Variants in CSF2RA observed in about 807,000 individuals in gnomAD.
CSF2RA encodes the protein granulocyte-macrophage colony-stimulating factor receptor subunit alpha.
In CSF2RA, 42 loss-of-function variants were observed where a neutral mutation model predicts 51.6. That is an observed-to-expected ratio of 0.81 (90% CI 0.64 to 1.05). The LOEUF (loss-of-function observed/expected upper bound fraction) is 1.05, where lower values mean the gene tolerates loss of function less well. Ranked by LOEUF, CSF2RA falls within the 50% of genes least tolerant of loss-of-function variation. The probability of loss-of-function intolerance (pLI) is 0.00; values close to 1 mark genes in which losing one functional copy is unlikely to be tolerated. For missense variants in CSF2RA, 530 were observed against 501.1 expected, an observed-to-expected ratio of 1.06 and a Z score of -0.55; for synonymous variants, 222 against 193.0, an observed-to-expected ratio of 1.15 and a Z score of -1.24.
chrX:1,281,541 C>T (rs1191451915), intron 2 of CSF2RA, among the ~76,000 whole-genome samples: 3 of 151,180 alleles, frequency 2.0e-5, no homozygotes, highest in Admixed American at 6.7e-5. Context: ...CCTTCTCCTC[C>T]TCCTGCACCT....
chrX:1,322,442 T>G, the CSF2RA span, among the ~76,000 whole-genome samples: 2 of 83,462 alleles, frequency 2.4e-5, no homozygotes, highest in African/African-American at 4.3e-5. Flanking sequence ...TGTGTTTGTT[T>G]TTTTTTTTTT....
At position 1,268,836 on chromosome X, in the gene CSF2RA, G is replaced by A. The variant is rs1333321934; in HGVS notation, c.-134G>A. On this transcript the variant is annotated 5_prime_UTR_variant, in exon 1 of 13. Transcript: ENST00000381529. Reference sequence around the variant, plus strand: ...GCTACTCAGAAGCGGGAGTCTCCGAGAGAAGAAAAGCAGGTGGAAGGAGAG... The same window carrying A: ...GCTACTCAGAAGCGGGAGTCTCCGAAAGAAGAAAAGCAGGTGGAAGGAGAG... 8.8e-6 allele frequency: 4 copies of A among 454,146 alleles called. No individual in the cohort carries two copies. Among genetic ancestry groups the A allele is most frequent in the Non-Finnish European group, 1.8e-5 (4 of 226,776 alleles). 28.1% of individuals were successfully genotyped at this position (454,146 alleles called of 1,614,324 possible).
At chrX:1,308,877 C>T (rs1228689639) in intron 12 of CSF2RA, among the ~76,000 whole-genome samples, 8 of 152,306 alleles carry the variant, frequency 5.3e-5, no homozygotes, top group African/African-American at 1.7e-4. Flanking sequence ...AAAGACCACC[C>T]TGTTCATCGT....
At chrX:1,301,085 G>A (rs748491027) in intron 10 of CSF2RA, among the ~76,000 whole-genome samples, 23 of 151,884 alleles carry the variant, frequency 1.5e-4, no homozygotes, top group African/African-American at 5.1e-4. Flanking sequence ...CCCAGGAGGC[G>A]GAGGTTGCAC....
At chrX:1,291,579 C>T (rs1430800972) in intron 7 of CSF2RA, among the ~76,000 whole-genome samples, 37 of 152,168 alleles carry the variant, frequency 2.4e-4, no homozygotes, top group African/African-American at 8.7e-4. Flanking sequence ...CTCCTTCATC[C>T]CGTTGGACGT....
the CSF2RA span, among the ~76,000 whole-genome samples, chrX:1,319,153 G>C: frequency 6.8e-6 from 1 of 146,750 alleles, no homozygotes; most frequent in Non-Finnish European, 1.5e-5. Context: ...CCGCCACCAC[G>C]CCTGGCTAAT....
the CSF2RA span, among the ~76,000 whole-genome samples, chrX:1,324,487 G>C: frequency 1.4e-5 from 2 of 140,818 alleles, no homozygotes; most frequent in African/African-American, 2.6e-5. Flanking sequence ...CAAGCAGGGA[G>C]GGAGGGAGGG....
intron 2 of CSF2RA, among the ~76,000 whole-genome samples, chrX:1,278,749 A>C (rs1489905161): frequency 5.0e-5 from 7 of 140,842 alleles, no homozygotes; most frequent in Middle Eastern, 3.9e-3. Context: ...AGACTAGGTA[A>C]TCCAGAGGCT....
chrX:1,318,014 A>C, the CSF2RA span, among the ~76,000 whole-genome samples: 3 of 146,254 alleles, frequency 2.1e-5, no homozygotes, highest in South Asian at 2.2e-4. Context: ...TGTGAGACAG[A>C]GTCTCACTGT....
intron 10 of CSF2RA, among the ~76,000 whole-genome samples, chrX:1,301,697 C>T (rs1397653747): frequency 1.1e-4 from 17 of 148,430 alleles, no homozygotes; most frequent in African/African-American, 3.0e-4. Context: ...CCTGGGTTCA[C>T]GCCATTCTCC....
At chrX:1,292,961 C>G (rs1358870503) in intron 7 of CSF2RA, among the ~76,000 whole-genome samples, 1 of 152,148 alleles carries the variant, frequency 6.6e-6, no homozygotes, top group African/African-American at 2.4e-5. Context: ...GCAGAGGTCC[C>G]TGCGGCTTTC....
chrX:1,323,621 C>G, the CSF2RA span, among the ~76,000 whole-genome samples: 3 of 151,998 alleles, frequency 2.0e-5, no homozygotes, highest in Admixed American at 1.3e-4. Context: ...TGGTGGCTCA[C>G]ACCTACAATC....
chrX:1,322,460 G>C, the CSF2RA span, among the ~76,000 whole-genome samples: 1 of 51,112 alleles, frequency 2.0e-5, no homozygotes, highest in African/African-American at 7.3e-5. Context: ...TTTTTTTTTT[G>C]AAAGGTAGCT....
At chrX:1,293,497 G>A (rs1360843303) in intron 7 of CSF2RA, among the ~76,000 whole-genome samples, 1 of 144,058 alleles carries the variant, frequency 6.9e-6, no homozygotes, top group East Asian at 2.0e-4. Context: ...GGGATTACAG[G>A]CGTGAGCCAC....
chrX:1,282,483 A>G (rs1392312979), intron 2 of CSF2RA, 195 bp from the exon 3 acceptor site: 5 of 630,404 alleles, frequency 7.9e-6, no homozygotes, highest in Non-Finnish European at 1.4e-5. Flanking sequence ...AAAGATGTCC[A>G]CGTCCTAATC....
At chrX:1,272,829 T>G (rs1251279538) in intron 1 of CSF2RA, among the ~76,000 whole-genome samples, 2 of 148,866 alleles carry the variant, frequency 1.3e-5, no homozygotes, top group African/African-American at 4.9e-5. Flanking sequence ...TTTTTTCTTT[T>G]TTTTTTTTAG....
rs769502087 is a variant in CSF2RA, at chrX:1,305,356, G to A, written c.1044-90G>A. 67 of 1,395,430 alleles carry A rather than the reference G, an allele frequency of 4.8e-5. No individual in the cohort carries two copies. The Middle Eastern group carries it at 8.3e-4, about 17-fold the overall frequency. 86.4% of individuals were successfully genotyped at this position (1,395,430 alleles called of 1,614,324 possible). ...TTGCATAGTTGAGCGCAGACACCCC[G>A]CACGCAGCATCCCTCGGCACAGGGC... is the stretch of plus-strand genomic sequence containing the variant. On this transcript the variant is annotated intron_variant, in intron 11 of 12. Coordinates refer to ENST00000381529, the MANE Select transcript of CSF2RA (RefSeq NM_172245.4).
At chrX:1,301,595 CTTTTTTT>C (rs777108928) in intron 10 of CSF2RA, among the ~76,000 whole-genome samples, 1 of 105,800 alleles carries the variant, frequency 9.5e-6, no homozygotes, top group African/African-American at 3.5e-5. Flanking sequence ...CTCTTTTTTT[CTTTTTTT>C]TTTTTTTTTT....
intron 3 of CSF2RA, among the ~76,000 whole-genome samples, chrX:1,283,746 T>C (rs1446270198): frequency 6.6e-6 from 1 of 151,714 alleles, no homozygotes; most frequent in Non-Finnish European, 1.5e-5. Flanking sequence ...TTTTTTGTAT[T>C]TTTAGTAGAG....
Sources: gnomAD v4.1 joint callset for allele counts (sites outside exome capture counted in the v4.1 genomes callset) on GRCh38, gnomAD v4.1.1 for gene constraint, MANE v1.5 for transcripts, NCBI Gene and HGNC (gene_info 2026-07-23, HGNC 2026-07-21) for gene names.